CTNNA3: variants seen among roughly 807,000 people sequenced by gnomAD.
The protein encoded by CTNNA3 is catenin alpha 3, also known as catenin alpha-3.
Under a neutral mutation model 95.7 loss-of-function variants are expected in CTNNA3, and 76 were observed. The observed-to-expected ratio is 0.79, with a 90% CI of 0.66 to 0.96. The LOEUF is 0.96. CTNNA3 is among the 40% of genes least tolerant of loss of function. CTNNA3 has a pLI of 0.00. For synonymous variants in CTNNA3, 431 were observed against 374.4 expected (o/e 1.15, Z -1.74); for missense variants, 1,191 against 1,089.8 (o/e 1.09, Z -1.31).
intron 9 of CTNNA3, among the ~76,000 whole-genome samples, chr10:66,698,764 G>A (rs1847849633): frequency 6.6e-6 from 1 of 151,930 alleles, no homozygotes; most frequent in Admixed American, 6.6e-5. Context: ...TTAGAGATAG[G>A]GCTATTACAT....
At chr10:66,297,806 G>A (rs1215638456) in intron 12 of CTNNA3, among the ~76,000 whole-genome samples, 1 of 152,160 alleles carries the variant, frequency 6.6e-6, no homozygotes, top group Non-Finnish European at 1.5e-5. Context: ...GCTACTGCGG[G>A]TCTCATCCAA....
chr10:67,559,138 C>G (rs1266877545), intron 3 of CTNNA3, among the ~76,000 whole-genome samples: 5 of 152,202 alleles, frequency 3.3e-5, no homozygotes, highest in Non-Finnish European at 5.9e-5. Flanking sequence ...GAGAGCAGTG[C>G]TTCTCCCAGC....
At chr10:67,447,542 T>C (rs936846494) in intron 5 of CTNNA3, among the ~76,000 whole-genome samples, 5 of 152,194 alleles carry the variant, frequency 3.3e-5, no homozygotes, top group African/African-American at 1.2e-4. Context: ...GTTCTGCACA[T>C]ATCCCCTCAG....
chr10:66,594,084 C>A (rs551140997), intron 10 of CTNNA3, among the ~76,000 whole-genome samples: 197 of 152,198 alleles, frequency 1.3e-3, no homozygotes, highest in African/African-American at 4.5e-3. Flanking sequence ...ACTGACCAAA[C>A]GGAATTTGTT....
chr10:66,443,659 C>T (rs1341870522), intron 11 of CTNNA3, among the ~76,000 whole-genome samples: 1 of 151,668 alleles, frequency 6.6e-6, no homozygotes, highest in East Asian at 1.9e-4. Context: ...ACATCCACAC[C>T]AAAAACCCAT....
chr10:67,265,363 C>T (rs1866777742), intron 5 of CTNNA3, among the ~76,000 whole-genome samples: 1 of 151,990 alleles, frequency 6.6e-6, no homozygotes, highest in African/African-American at 2.4e-5. Flanking sequence ...GGTGAAAGAG[C>T]AATAGACACA....
intron 7 of CTNNA3, among the ~76,000 whole-genome samples, chr10:66,921,037 T>C (rs952613605): frequency 2.0e-5 from 3 of 152,166 alleles, no homozygotes; most frequent in African/African-American, 4.8e-5. Context: ...AAAAATACTA[T>C]ATCCTGGGTG....
chr10:67,227,694 A>ATAT (rs1864991212), intron 5 of CTNNA3, among the ~76,000 whole-genome samples: 8 of 152,222 alleles, frequency 5.3e-5, no homozygotes, highest in Admixed American at 3.3e-4. Context: ...GGAACAAATG[A>ATAT]ACTTAACAGA....
intron 5 of CTNNA3, among the ~76,000 whole-genome samples, chr10:67,448,057 G>A (rs1846822373): frequency 6.6e-6 from 1 of 152,174 alleles, no homozygotes. Flanking sequence ...AAGAATTTAT[G>A]ATAGCTGAGT....
chr10:66,145,944 C>T (rs1387018319), intron 13 of CTNNA3, among the ~76,000 whole-genome samples: 4 of 152,208 alleles, frequency 2.6e-5, no homozygotes, highest in Non-Finnish European at 5.9e-5. Flanking sequence ...ACTTCTATCT[C>T]CCCGGTTCAA....
intron 1 of CTNNA3, among the ~76,000 whole-genome samples, chr10:67,716,568 G>A (rs978789943): frequency 5.9e-5 from 9 of 152,046 alleles, no homozygotes; most frequent in Non-Finnish European, 1.2e-4. Flanking sequence ...GAGAACATGC[G>A]GTGTTCGGTT....
intron 7 of CTNNA3, among the ~76,000 whole-genome samples, chr10:67,005,984 C>T (rs1241208137): frequency 1.3e-5 from 2 of 152,004 alleles, no homozygotes; most frequent in African/African-American, 4.8e-5. Flanking sequence ...TCGCACCCAA[C>T]CTACTCCATG....
At chr10:67,639,230 G>C (rs546507104) in intron 2 of CTNNA3, among the ~76,000 whole-genome samples, 8,965 of 152,022 alleles carry the variant, frequency 0.059, 289 homozygotes, top group South Asian at 0.1. Context: ...ATAAACACCT[G>C]TATGCAAATA....
At chr10:66,145,935 C>T (rs1360267158) in intron 13 of CTNNA3, among the ~76,000 whole-genome samples, 1 of 152,050 alleles carries the variant, frequency 6.6e-6, no homozygotes, top group Non-Finnish European at 1.5e-5. Flanking sequence ...CTCACTGCAA[C>T]TTCTATCTCC....
intron 12 of CTNNA3, among the ~76,000 whole-genome samples, chr10:66,302,351 G>C (rs1372729115): frequency 6.6e-6 from 1 of 151,980 alleles, no homozygotes; most frequent in African/African-American, 2.4e-5. Context: ...AAAAGCAAAA[G>C]ACCCAGAATA....
intron 1 of CTNNA3, among the ~76,000 whole-genome samples, chr10:67,671,999 C>T (rs1840444873): frequency 6.6e-6 from 1 of 152,028 alleles, no homozygotes; most frequent in African/African-American, 2.4e-5. Context: ...GTTCCTATTT[C>T]TCCACATCCT....
At chr10:67,125,666 T>C (rs967508003) in intron 7 of CTNNA3, among the ~76,000 whole-genome samples, 1 of 152,176 alleles carries the variant, frequency 6.6e-6, no homozygotes, top group Non-Finnish European at 1.5e-5. Context: ...TAAACGCATA[T>C]AACTTACACA....
chr10:66,957,563 C>G (rs940338242), intron 7 of CTNNA3, among the ~76,000 whole-genome samples: 1 of 151,460 alleles, frequency 6.6e-6, no homozygotes. Context: ...GGGTCCCAGT[C>G]CCAGCACTGG....
At chr10:66,362,619 G>T (rs940974910) in intron 12 of CTNNA3, among the ~76,000 whole-genome samples, 40 of 151,772 alleles carry the variant, frequency 2.6e-4, no homozygotes, top group African/African-American at 9.4e-4. Context: ...AGGTTGAAGT[G>T]GGAGAATCAC....
Sources: gnomAD v4.1 joint callset for allele counts (sites outside exome capture counted in the v4.1 genomes callset) on GRCh38, gnomAD v4.1.1 for gene constraint, MANE v1.5 for transcripts, NCBI Gene and HGNC (gene_info 2026-07-23, HGNC 2026-07-21) for gene names.